NFATC1: variants seen among roughly 807,000 people sequenced by gnomAD.
The protein encoded by NFATC1 is nuclear factor of activated T-cells, cytoplasmic 1.
NFATC1 carries 22 observed loss-of-function variants against 76.0 expected under a neutral mutation model. That is an observed-to-expected ratio of 0.29 (90% CI 0.21 to 0.41). The LOEUF (loss-of-function observed/expected upper bound fraction) is 0.41. Ranked by LOEUF, NFATC1 falls within the 10% of genes least tolerant of loss-of-function variation. The probability of loss-of-function intolerance (pLI) is 1.00; values close to 1 mark genes in which losing one functional copy is unlikely to be tolerated. For synonymous variants in NFATC1, 704 were observed against 613.1 expected, an observed-to-expected ratio of 1.15 and a Z score of -2.19; for missense variants, 1,357 against 1,337.7, an observed-to-expected ratio of 1.01 and a Z score of -0.23.
chr18:79,488,081 G>C (rs560888238), intron 9 of NFATC1, among the ~76,000 whole-genome samples: 3 of 152,174 alleles, frequency 2.0e-5, no homozygotes, highest in Non-Finnish European at 2.9e-5. Context: ...CTGACCCAGG[G>C]GGGGCAGGGA....
intron 9 of NFATC1, among the ~76,000 whole-genome samples, chr18:79,491,051 A>G (rs751579253): frequency 1.3e-5 from 2 of 151,702 alleles, no homozygotes; most frequent in African/African-American, 4.8e-5. Context: ...CCAGACCCCA[A>G]CAAGCTCCAT....
At chr18:79,425,611 C>T (rs1374171435) in intron 2 of NFATC1, among the ~76,000 whole-genome samples, 1 of 152,254 alleles carries the variant, frequency 6.6e-6, no homozygotes, top group Non-Finnish European at 1.5e-5. Flanking sequence ...ACTGCCTCTG[C>T]TCTGGGCTTC....
chr18:79,510,744 G>A (rs2090223589), intron 9 of NFATC1, among the ~76,000 whole-genome samples: 1 of 152,244 alleles, frequency 6.6e-6, no homozygotes, highest in African/African-American at 2.4e-5. Flanking sequence ...GGGCACCCAG[G>A]TCCTTCCTGC....
chr18:79,478,941 G>A (rs971934095), intron 8 of NFATC1, among the ~76,000 whole-genome samples: 14 of 152,192 alleles, frequency 9.2e-5, no homozygotes, highest in African/African-American at 3.1e-4. Context: ...AGCTCTGCAC[G>A]CCGCTGACCA....
At chr18:79,407,620 T>A (rs908059678) in intron 1 of NFATC1, among the ~76,000 whole-genome samples, 6 of 152,186 alleles carry the variant, frequency 3.9e-5, no homozygotes, top group African/African-American at 1.4e-4. Context: ...GCTACTTGTA[T>A]TTTTTGTAGA....
At position 79,528,509 on chromosome 18, in the gene NFATC1, G is replaced by C. The variant is rs376405497; in HGVS notation, c.*932G>C. 4 of 152,334 alleles carry C rather than the reference G, an allele frequency of 2.6e-5. No homozygotes were observed. Among genetic ancestry groups the C allele is most frequent in the African/African-American group, 7.2e-5 (3 of 41,560 alleles). The allele number at this position is 152,334 out of a possible 1,614,324, so 9.4% of individuals were successfully genotyped here. A position where few individuals can be genotyped will look rare whatever the true frequency, so the allele number is the denominator to read the frequency against. On this transcript the variant is annotated 3_prime_UTR_variant, in exon 10 of 10. Coordinates refer to ENST00000427363, the MANE Select transcript of NFATC1 (RefSeq NM_001278669.2). ...GGCTCCAGTCGCTGCTCTTGCTGGC[G>C]TCCATCGCCGCCTCGGACGGCCGTG...
At chr18:79,398,521 A>C (rs1438239072) in intron 1 of NFATC1, among the ~76,000 whole-genome samples, 1 of 152,192 alleles carries the variant, frequency 6.6e-6, no homozygotes, top group Admixed American at 6.5e-5. Context: ...GCAGGAAGGA[A>C]GCCCAGCACT....
At chr18:79,442,216 A>G (rs1000743883) in intron 3 of NFATC1, among the ~76,000 whole-genome samples, 1 of 152,150 alleles carries the variant, frequency 6.6e-6, no homozygotes, top group African/African-American at 2.4e-5. Flanking sequence ...GCTCTTCCGG[A>G]GAGACGTGGA....
chr18:79,442,202 G>A (rs1345472261), intron 3 of NFATC1, among the ~76,000 whole-genome samples: 2 of 152,228 alleles, frequency 1.3e-5, no homozygotes, highest in African/African-American at 2.4e-5. Context: ...CGGCCTCTGG[G>A]GCTGCTCTTC....
chr18:79,406,004 C>T lies in NFATC1; in HGVS notation c.128-4399C>T, dbSNP rs138106414. On this transcript the variant is annotated intron_variant, in intron 1 of 9. Coordinates refer to ENST00000427363, the MANE Select transcript of NFATC1 (RefSeq NM_001278669.2). ...CTTGCACACAGAGACCTGTGAGGTCCGCCTCCCCTTTCCTGCCCCGTTTCA... is the reference window on the plus strand; with the variant it reads ...CTTGCACACAGAGACCTGTGAGGTCTGCCTCCCCTTTCCTGCCCCGTTTCA... 1.8e-3 allele frequency among the ~76,000 whole-genome samples: 268 copies of T among 152,196 alleles called. 2 individuals carry two copies. The highest frequency in any genetic ancestry group is 0.012 in the Admixed American group (185 of 15,290).
intron 2 of NFATC1, chr18:79,420,916 G>A (rs1454861452): frequency 2.0e-5 from 3 of 152,086 alleles, no homozygotes; most frequent in Non-Finnish European, 4.4e-5. Context: ...GAGGAAGAGG[G>A]TGGGACGCAT....
At chr18:79,405,822 C>T (rs1433408804) in intron 1 of NFATC1, among the ~76,000 whole-genome samples, 1 of 152,170 alleles carries the variant, frequency 6.6e-6, no homozygotes, top group Non-Finnish European at 1.5e-5. Context: ...TATTGCAATA[C>T]TTCAGTTTAA....
chr18:79,473,722 C>T (rs962652057), intron 8 of NFATC1, among the ~76,000 whole-genome samples: 32 of 147,604 alleles, frequency 2.2e-4, no homozygotes, highest in African/African-American at 5.6e-4. Context: ...GCAAGGGAAG[C>T]GTGTTCTCAC....
In NFATC1 at chr18:79,528,157, A is replaced by C; in HGVS notation, c.*580A>C. The C allele has an allele frequency of 2.6e-6, 1 of 388,218 alleles. No individual in the cohort carries two copies. Among genetic ancestry groups the C allele is most frequent in the Non-Finnish European group, 4.5e-6 (1 of 220,106 alleles). 24.0% of individuals were successfully genotyped at this position (388,218 alleles called of 1,614,324 possible). A position where few individuals can be genotyped will look rare whatever the true frequency, so the allele number is the denominator to read the frequency against. ...ACACTCCTGCTGCCTTACACAGTGC[A>C]TTTTAGAATCTTCCAGTCTGTCATC... On this transcript the variant is annotated 3_prime_UTR_variant, in exon 10 of 10. Transcript: ENST00000427363.
chr18:79,513,210 G>C lies in NFATC1; in HGVS notation c.2783-14318G>C, dbSNP rs969801918. Among the ~76,000 whole-genome samples the C allele has an allele frequency of 7.5e-4, 114 of 152,216 alleles. 3 individuals carry two copies. The highest frequency in any genetic ancestry group is 7.5e-3 in the Admixed American group (114 of 15,290). ...AGCTGATGCCCGCGGGTGGACTCCG[G>C]GTTCAGGGCACTGGGACCGCTGCAG... On this transcript the variant is annotated intron_variant, in intron 9 of 9. Transcript: ENST00000427363.
chr18:79,458,750 C>G (rs571512874), intron 6 of NFATC1, among the ~76,000 whole-genome samples: 1 of 152,226 alleles, frequency 6.6e-6, no homozygotes, highest in Non-Finnish European at 1.5e-5. Context: ...CGGCGCTGCC[C>G]GTCCGGGCCT....
At chr18:79,436,419 T>G (rs1329301915) in intron 3 of NFATC1, among the ~76,000 whole-genome samples, 1 of 152,224 alleles carries the variant, frequency 6.6e-6, no homozygotes, top group Admixed American at 6.5e-5. Context: ...GCCCGCTGTC[T>G]CCTGCAGTGC....
intron 2 of NFATC1, among the ~76,000 whole-genome samples, chr18:79,413,303 A>G (rs545592224): frequency 1.3e-5 from 2 of 152,330 alleles, no homozygotes; most frequent in East Asian, 3.9e-4. Context: ...TGCCCTGACA[A>G]GGTCCCGCAG....
At chr18:79,488,194 G>A (rs62096903) in intron 9 of NFATC1, among the ~76,000 whole-genome samples, 1 of 152,142 alleles carries the variant, frequency 6.6e-6, no homozygotes, top group Non-Finnish European at 1.5e-5. Flanking sequence ...TTTTAAGGAG[G>A]ATGCATGCAA....
Sources: gnomAD v4.1 joint callset for allele counts (sites outside exome capture counted in the v4.1 genomes callset) on GRCh38, gnomAD v4.1.1 for gene constraint, MANE v1.5 for transcripts, NCBI Gene and HGNC (gene_info 2026-07-23, HGNC 2026-07-21) for gene names.